Variants in DRD3 observed in about 807,000 individuals in gnomAD.
DRD3 encodes the protein D(3) dopamine receptor.
Under a neutral mutation model 36.3 loss-of-function variants are expected in DRD3, and 19 were observed. The observed-to-expected ratio is 0.52, with a 90% CI of 0.36 to 0.77. DRD3 has a LOEUF of 0.77. DRD3 is among the 30% of genes least tolerant of loss of function. The pLI, the probability that DRD3 is intolerant of heterozygous loss-of-function variation, is 0.00. For synonymous variants in DRD3, 195 were observed against 203.7 expected, an observed-to-expected ratio of 0.96 and a Z score of 0.36; for missense variants, 465 against 505.3, an observed-to-expected ratio of 0.92 and a Z score of 0.77.
At chr3:114,156,727 T>G (rs561996812) in intron 3 of DRD3, among the ~76,000 whole-genome samples, 364 of 9,218 alleles carry the variant, frequency 0.039, 5 homozygotes, top group South Asian at 0.28. Flanking sequence ...CTTTCTTTCT[T>G]TCTTTCTTTC....
At chr3:114,190,787 A>T (rs713152) in intron 1 of DRD3, among the ~76,000 whole-genome samples, 12,402 of 152,034 alleles carry the variant, frequency 0.082, 1,642 homozygotes, top group African/African-American at 0.28. Context: ...TAAGTTAAGA[A>T]GCAAGGAAAG....
intron 1 of DRD3, among the ~76,000 whole-genome samples, chr3:114,196,147 C>CTTT (rs1318116320): frequency 6.6e-6 from 1 of 152,092 alleles, no homozygotes; most frequent in Non-Finnish European, 1.5e-5. Flanking sequence ...TAGTAATTTC[C>CTTT]TATTCATGTT....
intron 1 of DRD3, among the ~76,000 whole-genome samples, chr3:114,178,348 A>T (rs1473696196): frequency 4.6e-5 from 7 of 152,218 alleles, no homozygotes; most frequent in African/African-American, 9.6e-5. Context: ...ATCAACTTCC[A>T]TACAAATCCT....
At chr3:114,141,053 C>A (rs903438616) in intron 4 of DRD3, among the ~76,000 whole-genome samples, 11 of 152,104 alleles carry the variant, frequency 7.2e-5, no homozygotes, top group African/African-American at 2.7e-4. Context: ...TTTTTTGAGA[C>A]GGAATTTTGC....
At chr3:114,193,627 A>G (rs2078023174) in intron 1 of DRD3, among the ~76,000 whole-genome samples, 1 of 152,140 alleles carries the variant, frequency 6.6e-6, no homozygotes, top group East Asian at 1.9e-4. Context: ...GTAAGGGAGG[A>G]AGAGGAGGAG....
In DRD3 at chr3:114,140,133, C is replaced by T. The variant is rs964384237; in HGVS notation, c.527-437G>A. On this transcript the variant is annotated intron_variant, in intron 4 of 6. Coordinates refer to ENST00000383673, the MANE Select transcript of DRD3 (RefSeq NM_000796.6). The stretch of plus-strand genomic sequence containing the variant: ...GCCCTCAGAAAAGGGCCTGCTGGTG[C>T]GGAGGCATTGGAGAATTGTTTGAAT... 2.6e-4 allele frequency among the ~76,000 whole-genome samples: 40 copies of T among 152,100 alleles called. 1 individual carries two copies. The highest frequency in any genetic ancestry group is 8.7e-4 in the African/African-American group (36 of 41,420).
At chr3:114,143,993 T>C (rs1167393717) in intron 4 of DRD3, among the ~76,000 whole-genome samples, 1 of 152,258 alleles carries the variant, frequency 6.6e-6, no homozygotes, top group Non-Finnish European at 1.5e-5. Flanking sequence ...TTCAGGCATC[T>C]TCAGAGTTTC....
intron 1 of DRD3, among the ~76,000 whole-genome samples, chr3:114,191,677 C>T (rs746350921): frequency 3.7e-4 from 56 of 152,196 alleles, no homozygotes; most frequent in Non-Finnish European, 5.4e-4. Context: ...AGCAAGTTGG[C>T]GGCTCCCTGG....
chr3:114,159,539 A>G (rs2077712944), intron 3 of DRD3, among the ~76,000 whole-genome samples: 1 of 152,052 alleles, frequency 6.6e-6, no homozygotes, highest in Admixed American at 6.5e-5. Flanking sequence ...GCTGGAGGAG[A>G]AGAAAGGCCA....
At chr3:114,131,056 G>T in intron 6 of DRD3, 62 bp downstream of exon 6, 1 of 1,546,066 alleles carries the variant, frequency 6.5e-7, no homozygotes, top group Non-Finnish European at 8.8e-7. Context: ...TCTTCTACCA[G>T]CTCCACTTAA....
At chr3:114,173,866 A>G (rs2077871428) in intron 1 of DRD3, among the ~76,000 whole-genome samples, 1 of 152,206 alleles carries the variant, frequency 6.6e-6, no homozygotes, top group African/African-American at 2.4e-5. Flanking sequence ...GTAGAGGCTG[A>G]CTTGGTGGCC....
In DRD3 at chr3:114,139,498, A is replaced by G. The variant is rs751433184; in HGVS notation, c.723+2T>C. 6.2e-7 allele frequency: 1 copy of G among 1,612,550 alleles called. No homozygotes were observed. The highest frequency in any genetic ancestry group is 8.5e-7 in the Non-Finnish European group (1 of 1,179,412). ...TCCCTCTACCCCCTCCAGGGTACTT[A>G]CTTGCTGGGGGAAGCCAGGCCTGAC... On this transcript the variant is annotated splice_donor_variant, in intron 5 of 6. Coordinates refer to ENST00000383673, the MANE Select transcript of DRD3 (RefSeq NM_000796.6). LOFTEE classifies it high-confidence loss of function.
chr3:114,164,228 A>AAAAAAAAAAAAAAAAAAAAAAAAAG (rs2077761364), intron 2 of DRD3, among the ~76,000 whole-genome samples: 1 of 141,712 alleles, frequency 7.1e-6, no homozygotes, highest in Non-Finnish European at 1.5e-5. Context: ...CTCAAAAAAA[A>AAAAAAAAAAAAAAAAAAAAAAAAAG]AAAAAAAAAA....
intron 3 of DRD3, among the ~76,000 whole-genome samples, chr3:114,152,422 A>T (rs1310894409): frequency 6.6e-6 from 1 of 152,236 alleles, no homozygotes; most frequent in Non-Finnish European, 1.5e-5. Context: ...CATTAGGGAA[A>T]ACTTCTGTGA....
At chr3:114,192,313 G>C (rs889334396) in intron 1 of DRD3, among the ~76,000 whole-genome samples, 1 of 152,142 alleles carries the variant, frequency 6.6e-6, no homozygotes, top group Non-Finnish European at 1.5e-5. Flanking sequence ...CTCCCTGCAA[G>C]TCTGATTTAT....
chr3:114,172,017 CA>C lies in DRD3; in HGVS notation c.-26del. On this transcript the variant is annotated 5_prime_UTR_variant, in exon 2 of 7. Transcript: ENST00000383673. ...TAGCCCAGAGGGAGGTGCGTGATGCCAAGGGGCTTCCTGTGAGGAGACAGAA... is the reference window on the plus strand; with the variant it reads ...TAGCCCAGAGGGAGGTGCGTGATGCCAGGGGCTTCCTGTGAGGAGACAGAA... 1.4e-6 allele frequency: 2 copies of C among 1,408,846 alleles called. No homozygotes were observed. Among genetic ancestry groups the C allele is most frequent in the Admixed American group, 6.4e-5 (2 of 31,122 alleles). The allele number at this position is 1,408,846 out of a possible 1,614,324, so 87.3% of individuals were successfully genotyped here. A position where few individuals can be genotyped will look rare whatever the true frequency, so the allele number is the denominator to read the frequency against.
intron 1 of DRD3, among the ~76,000 whole-genome samples, chr3:114,198,687 A>G (rs544657190): frequency 6.6e-6 from 1 of 152,260 alleles, no homozygotes; most frequent in East Asian, 1.9e-4. Context: ...AGGTATCTAT[A>G]GATAAATAAA....
chr3:114,130,705 G>A (rs2077422012), intron 6 of DRD3, among the ~76,000 whole-genome samples: 1 of 152,160 alleles, frequency 6.6e-6, no homozygotes, highest in African/African-American at 2.4e-5. Context: ...TTACAGGCTT[G>A]AGCCATCATG....
chr3:114,128,901 CA>C lies in DRD3; in HGVS notation c.1017del (p.Ile339MetfsTer9). 1 of 1,598,784 alleles carries C rather than the reference CA, an allele frequency of 6.3e-7. No homozygotes were observed. The highest frequency in any genetic ancestry group is 8.5e-7 in the Non-Finnish European group (1 of 1,172,708). The stretch of plus-strand genomic sequence containing the variant: ...GTCAAGAAGAAGGGCAGCCAGCAGA[CA>C]ATGAAGGCCCCTAAGTTGCCAAATA... ...QMVAIVLGAF[I>X]VCWLPFFLTH... On this transcript the variant is annotated frameshift_variant, in exon 7 of 7. Transcript: ENST00000383673. LOFTEE classifies it high-confidence loss of function.
Sources: allele counts gnomAD v4.1 joint callset (sites outside exome capture counted in the v4.1 genomes callset), GRCh38; gene constraint gnomAD v4.1.1; transcripts MANE v1.5; gene names NCBI Gene and HGNC (gene_info 2026-07-23, HGNC 2026-07-21).